Variants in L1CAM observed in about 807,000 individuals in gnomAD.
The protein encoded by L1CAM is neural cell adhesion molecule L1.
In L1CAM, 8 loss-of-function variants were observed where a neutral mutation model predicts 93.0. That is an observed-to-expected ratio of 0.09 (90% confidence interval 0.05 to 0.16). The LOEUF (loss-of-function observed/expected upper bound fraction) is 0.16. Among genes scored for constraint, L1CAM ranks in the 10% least tolerant of loss-of-function variants. The pLI is 1.00. For synonymous variants in L1CAM, 453 were observed against 453.0 expected, an observed-to-expected ratio of 1.00 and a Z score of 0.00; for missense variants, 777 against 1,073.4, an observed-to-expected ratio of 0.72 and a Z score of 3.86.
intron 1 of L1CAM, among the ~76,000 whole-genome samples, chrX:153,879,005 A>G (rs2064829929): frequency 9.0e-6 from 1 of 110,848 alleles, no homozygotes; most frequent in Admixed American, 9.6e-5. Flanking sequence ...AACAGCTGGG[A>G]GGGGGCGCTC....
chrX:153,879,401 G>C (rs2064831775), intron 1 of L1CAM, among the ~76,000 whole-genome samples: 1 of 102,918 alleles, frequency 9.7e-6, no homozygotes, highest in Non-Finnish European at 2.0e-5. Context: ...ATGGCAGAAA[G>C]AGCGAGAAGA....
intron 1 of L1CAM, 126 bp downstream of exon 1, chrX:153,885,939 C>T: frequency 1.3e-6 from 1 of 777,044 alleles, no homozygotes; most frequent in Non-Finnish European, 1.5e-6. Flanking sequence ...CCGGCAGCAA[C>T]GCCGGTTACC....
chrX:153,863,772 C>T, intron 26 of L1CAM, 111 bp downstream of exon 26: 1 of 1,084,649 alleles, frequency 9.2e-7, no homozygotes, highest in Middle Eastern at 2.6e-4. Context: ...ATGCGCCTGT[C>T]ATCTTGTGGG....
chrX:153,871,034 G>A (rs201188124), intron 6 of L1CAM, 23 bp downstream of exon 6: 4 of 1,211,273 alleles, frequency 3.3e-6, no homozygotes, highest in Non-Finnish European at 4.5e-6. Flanking sequence ...GACCCCACGA[G>A]GCAGCCGCTC....
rs5987173 is a variant in L1CAM at position 153,866,773 on chromosome X, G to A, written c.2307C>T (p.Ser769=). The A allele has an allele frequency of 3.2e-3, 3,843 of 1,209,155 alleles. 65 individuals carry two copies. In the African/African-American group the frequency reaches 0.059, roughly 19 times the overall value. The change falls in exon 19 of 29, where the codon AGC becomes AGT. Residue 769 remains serine, a synonymous_variant. Coordinates refer to ENST00000370060, the MANE Select transcript of L1CAM (RefSeq NM_001278116.2). ...TRGPWQEQIV[S]DPFLVVSNTS... is the part of the protein sequence containing the mutation. Reference sequence around the variant, plus strand: ...TGTTGGACACCACCAGGAAGGGGTCGCTGACAATCTGCTCCTGCCAGGGCC... The same window carrying A: ...TGTTGGACACCACCAGGAAGGGGTCACTGACAATCTGCTCCTGCCAGGGCC...
In L1CAM at chrX:153,863,703, C is replaced by T. The variant is rs1048318691; in HGVS notation, c.3458-154G>A. On this transcript the variant is annotated intron_variant, in intron 26 of 28. Coordinates refer to ENST00000370060, the MANE Select transcript of L1CAM (RefSeq NM_001278116.2). ...CCGCTCACCCCCTGCGGTCCAGCCA[C>T]CACTTGCCTGTTGCCCCAACCCCGG... 2.9e-5 allele frequency: 24 copies of T among 826,400 alleles called. No individual in the cohort carries two copies. The African/African-American group carries it at 4.5e-4, about 15-fold the overall frequency. The allele number at this position is 826,400 out of a possible 1,213,427, so 68.1% of individuals were successfully genotyped here. A position where few individuals can be genotyped will look rare whatever the true frequency, so the allele number is the denominator to read the frequency against.
rs1557091103 is a variant in L1CAM at position 153,866,871 on chromosome X, G to T, written c.2209C>A (p.Pro737Thr). Residue 737 changes from proline to threonine, a missense_variant and splice_region_variant, in exon 19 of 29, where the codon CCG (proline) becomes ACG (threonine). Around this residue, in one of 5 missense-constraint regions of L1CAM, gnomAD observed 574 missense variants for 781.0 expected, o/e 0.73. Transcript: ENST00000370060. ...GCGTTCCAGTCCATCCACCGGAGCG[G>T]CTGGAGGAGGCCAGCAGAAGAGGAG... The part of the protein sequence containing the change: ...ETTNMVITWK[P>T]LRWMDWNAPQ... 2 of 1,206,309 alleles carry T rather than the reference G, an allele frequency of 1.7e-6. No individual in the cohort carries two copies. Among genetic ancestry groups the T allele is most frequent in the Admixed American group, 2.2e-5 (1 of 46,000 alleles).
chrX:153,869,143 G>T (rs782409550), intron 11 of L1CAM, 191 bp from the exon 12 acceptor site: 4 of 463,141 alleles, frequency 8.6e-6, no homozygotes, highest in Non-Finnish European at 1.5e-5. Flanking sequence ...CCTCAGATGC[G>T]CCTCTGGTCA....
intron 2 of L1CAM, among the ~76,000 whole-genome samples, chrX:153,874,167 A>G (rs975103928): frequency 2.7e-5 from 3 of 112,276 alleles, no homozygotes; most frequent in Non-Finnish European, 3.8e-5. Context: ...GAGATGGAAG[A>G]CAGGTTCCAA....
chrX:153,879,252 G>A (rs1454244508), intron 1 of L1CAM, among the ~76,000 whole-genome samples: 1 of 111,414 alleles, frequency 9.0e-6, no homozygotes, highest in African/African-American at 3.3e-5. Context: ...ACAGACGTAG[G>A]AAGACAGCGC....
chrX:153,864,727 G>A (rs201659731), intron 23 of L1CAM, 23 bp from the exon 24 acceptor site: 1 of 1,210,906 alleles, frequency 8.3e-7, no homozygotes, highest in East Asian at 3.0e-5. Flanking sequence ...AGGGGAACGA[G>A]GAGAGTGTGG....
intron 3 of L1CAM, 170 bp downstream of exon 3, chrX:153,873,058 G>A (rs947697277): frequency 9.6e-5 from 51 of 530,234 alleles, no homozygotes; most frequent in South Asian, 4.4e-4. Context: ...CCAGGCTGGG[G>A]CAGAGACAGA....
At position 153,875,815 on chromosome X, in the gene L1CAM, C is replaced by G; in HGVS notation, c.22G>C (p.Val8Leu). ...GGGCTGCAGAGGAGGAGAGGCCACA[C>G]GTACCGCAGCGCCACGACCATCTTT... Reference protein sequence around the residue: MVVALRYVWPLLLCSPCL... With the variant: MVVALRYLWPLLLCSPCL... The change falls in exon 2 of 29, where the codon GTG becomes CTG. Residue 8 changes from valine (V) to leucine (L), a missense_variant. Val to Leu is a conservative substitution (Grantham distance 32). Around this residue, in one of 5 missense-constraint regions of L1CAM, gnomAD observed 574 missense variants for 781.0 expected, o/e 0.73. Transcript: ENST00000370060. The G allele has an allele frequency of 1.7e-6, 2 of 1,209,520 alleles. No individual in the cohort carries two copies. The highest frequency in any genetic ancestry group is 2.2e-6 in the Non-Finnish European group (2 of 895,063).
chrX:153,870,282 A>G, intron 8 of L1CAM, 42 bp from the exon 9 acceptor site: 1 of 1,194,822 alleles, frequency 8.4e-7, no homozygotes, highest in East Asian at 3.0e-5. Flanking sequence ...GGGAGAAAGG[A>G]CAAGGCCAAT....
Position 153,870,062 on chromosome X carries a change from C to T in L1CAM, c.985G>A (p.Val329Met), listed in dbSNP as rs2148497835. The part of the protein sequence containing the change: ...GSARHAYYVT[V>M]EAAPYWLHKP... ...TGTCCCAGGAGGTCCATACCCTCCA[C>T]GGTGACATAGTACGCATGCCGGGCA... Residue 329 changes from valine to methionine, a missense_variant, in exon 9 of 29, where the codon GTG (valine) becomes ATG (methionine). Around this residue, in one of 5 missense-constraint regions of L1CAM, gnomAD observed 574 missense variants for 781.0 expected, o/e 0.73. Coordinates refer to ENST00000370060, the MANE Select transcript of L1CAM (RefSeq NM_001278116.2). 9 of 1,211,677 alleles carry T rather than the reference C, an allele frequency of 7.4e-6. No homozygotes were observed. The highest frequency in any genetic ancestry group is 1.8e-5 in the South Asian group (1 of 57,015).
chrX:153,877,332 C>T (rs1222030734), intron 1 of L1CAM, among the ~76,000 whole-genome samples: 128 of 97,719 alleles, frequency 1.3e-3, no homozygotes, highest in Non-Finnish European at 1.8e-3. Context: ...CGTGGTGGCT[C>T]ATGCCTGTAA....
rs1557089282 is a variant in L1CAM, at chrX:153,862,729, C to T, written c.3708G>A (p.Glu1236=). 6 of 1,212,269 alleles carry T rather than the reference C, an allele frequency of 4.9e-6. No homozygotes were observed. The East Asian group carries it at 1.8e-4, about 36-fold the overall frequency. The change falls in exon 29 of 29, where the codon GAG becomes GAA. Residue 1236 remains glutamate, a synonymous_variant. Transcript: ENST00000370060. ...IGQYSGKKEK[E]AAGGNDSSGA... ...CTGAGCTGTCATTGCCCCCTGCCGC[C>T]TCCTTCTCCTTCTTGCCACTGTACT...
intron 1 of L1CAM, among the ~76,000 whole-genome samples, chrX:153,878,022 AAC>A (rs2064825546): frequency 8.9e-6 from 1 of 112,503 alleles, no homozygotes; most frequent in African/African-American, 3.2e-5. Flanking sequence ...GACAAGAGGA[AAC>A]AGACTCCCAA....
At chrX:153,873,032 G>A (rs1288557767) in intron 3 of L1CAM, 196 bp downstream of exon 3, 1 of 482,109 alleles carries the variant, frequency 2.1e-6, no homozygotes, top group Admixed American at 3.1e-5. Context: ...GAGGAACAGT[G>A]AGGGTGACAG....
Sources: gnomAD v4.1 joint callset for allele counts (sites outside exome capture counted in the v4.1 genomes callset) on GRCh38, gnomAD v4.1.1 for gene constraint, gnomAD v4.1.1 regional missense constraint, MANE v1.5 for transcripts, NCBI Gene and HGNC (gene_info 2026-07-23, HGNC 2026-07-21) for gene names.